The following SLC5A4 variants were observed in gnomAD, a reference collection of about 807,000 sequenced individuals.
SLC5A4 encodes solute carrier family 5 member 4.
In SLC5A4, 55 loss-of-function variants were observed where a neutral mutation model predicts 70.3. The ratio of observed to expected loss-of-function variants is 0.78; its 90% CI spans 0.63 to 0.98. SLC5A4 has a LOEUF of 0.98. Ranked by LOEUF, SLC5A4 falls within the 50% of genes least tolerant of loss-of-function variation. SLC5A4 has a pLI of 0.00. For missense variants in SLC5A4, 735 were observed against 839.2 expected, an observed-to-expected ratio of 0.88 and a Z score of 1.53; for synonymous variants, 268 against 305.7, an observed-to-expected ratio of 0.88 and a Z score of 1.29.
the SLC5A4 span, chr22:32,272,207 A>T: frequency 1.3e-6 from 1 of 757,564 alleles, no homozygotes; most frequent in Non-Finnish European, 2.4e-6. Context: ...TCATGTCCTG[A>T]GGGCGGATCT....
At chr22:32,312,704 C>T in the SLC5A4 span, among the ~76,000 whole-genome samples, 98,308 of 151,758 alleles carry the variant, frequency 0.65, 31,934 homozygotes, top group South Asian at 0.74. Flanking sequence ...AGGCAGCATT[C>T]CCTTCTCTAC....
At chr22:32,271,662 C>T in the SLC5A4 span, 1,693 of 594,340 alleles carry the variant, frequency 2.8e-3, 8 homozygotes, top group Non-Finnish European at 4.7e-3. Flanking sequence ...TGGCTCCTGG[C>T]GACAGACTGA....
chr22:32,353,553 G>A, the SLC5A4 span, among the ~76,000 whole-genome samples: 1 of 151,976 alleles, frequency 6.6e-6, no homozygotes, highest in East Asian at 1.9e-4. Flanking sequence ...CTGACCACCC[G>A]TCACTGACAC....
At chr22:32,226,341 C>G (rs542716682) in intron 11 of SLC5A4, among the ~76,000 whole-genome samples, 1 of 152,270 alleles carries the variant, frequency 6.6e-6, no homozygotes, top group Admixed American at 6.5e-5. Flanking sequence ...AGGTAAAAAG[C>G]GTGTTAAAGG....
chr22:32,288,715 T>G, the SLC5A4 span, among the ~76,000 whole-genome samples: 3 of 151,988 alleles, frequency 2.0e-5, no homozygotes, highest in Non-Finnish European at 4.4e-5. Context: ...CCTGGATAAT[T>G]TTTTATTTTT....
the SLC5A4 span, among the ~76,000 whole-genome samples, chr22:32,288,861 A>G: frequency 1.2e-3 from 177 of 152,276 alleles, 1 homozygote; most frequent in African/African-American, 4.2e-3. Context: ...AATTTATGTT[A>G]GATTATTTTA....
chr22:32,288,555 TTTTTTG>T, the SLC5A4 span, among the ~76,000 whole-genome samples: 16 of 152,268 alleles, frequency 1.1e-4, no homozygotes, highest in Non-Finnish European at 2.9e-5. Context: ...TTTTTTTCTT[TTTTTTG>T]TTTTTGTTTT....
the SLC5A4 span, among the ~76,000 whole-genome samples, chr22:32,353,765 C>T: frequency 6.6e-6 from 1 of 151,654 alleles, no homozygotes; most frequent in Admixed American, 6.6e-5. Context: ...GGCAGTGCAG[C>T]CCGGGATAGC....
chr22:32,328,721 A>G, the SLC5A4 span, among the ~76,000 whole-genome samples: 1 of 152,218 alleles, frequency 6.6e-6, no homozygotes, highest in Non-Finnish European at 1.5e-5. Flanking sequence ...TGACTCACAG[A>G]AAGAGTTAAA....
chr22:32,332,730 G>C, the SLC5A4 span, among the ~76,000 whole-genome samples: 3 of 152,162 alleles, frequency 2.0e-5, no homozygotes, highest in African/African-American at 7.2e-5. Flanking sequence ...CACTTCTCGG[G>C]GAACTTAGGG....
chr22:32,337,737 G>A, the SLC5A4 span, among the ~76,000 whole-genome samples: 4 of 152,104 alleles, frequency 2.6e-5, no homozygotes, highest in East Asian at 3.9e-4. Context: ...TCAATTTCCC[G>A]AGCGTAAATA....
chr22:32,345,077 A>G, the SLC5A4 span, among the ~76,000 whole-genome samples: 1 of 152,194 alleles, frequency 6.6e-6, no homozygotes, highest in African/African-American at 2.4e-5. Context: ...ACTGATAACC[A>G]CATTTTCAAG....
At chr22:32,267,181 C>A in the SLC5A4 span, among the ~76,000 whole-genome samples, 1 of 152,178 alleles carries the variant, frequency 6.6e-6, no homozygotes, top group Non-Finnish European at 1.5e-5. Context: ...ACTGTGAAAA[C>A]CCTTTAGTGA....
At chr22:32,288,232 A>T in the SLC5A4 span, among the ~76,000 whole-genome samples, 1 of 152,166 alleles carries the variant, frequency 6.6e-6, no homozygotes, top group Admixed American at 6.5e-5. Flanking sequence ...AGTATGTTCT[A>T]CATATGGGAA....
the SLC5A4 span, among the ~76,000 whole-genome samples, chr22:32,264,497 T>G: frequency 6.6e-6 from 1 of 152,072 alleles, no homozygotes. Flanking sequence ...CCTGAGCCCA[T>G]GTAGTTAACG....
the SLC5A4 span, among the ~76,000 whole-genome samples, chr22:32,344,404 T>G: frequency 2.6e-5 from 4 of 152,186 alleles, no homozygotes; most frequent in African/African-American, 9.6e-5. Flanking sequence ...TAAACCTTAA[T>G]TAAAATCCCT....
chr22:32,279,080 T>G, the SLC5A4 span, among the ~76,000 whole-genome samples: 7 of 151,780 alleles, frequency 4.6e-5, no homozygotes, highest in African/African-American at 1.5e-4. Context: ...ATGGAGACCA[T>G]CCTGGCTAAC....
the SLC5A4 span, among the ~76,000 whole-genome samples, chr22:32,325,506 C>T: frequency 1.3e-3 from 197 of 152,312 alleles, no homozygotes; most frequent in African/African-American, 4.3e-3. Context: ...ATGGCTGTCG[C>T]GGCACAAGAT....
At chr22:32,273,344 C>T in the SLC5A4 span, 4,853 of 179,510 alleles carry the variant, frequency 0.027, 85 homozygotes, top group Non-Finnish European at 0.04. Context: ...ATATTGTTTA[C>T]GGAAGGGGGA....
Sources: allele counts gnomAD v4.1 joint callset (sites outside exome capture counted in the v4.1 genomes callset), GRCh38; gene constraint gnomAD v4.1.1; transcripts MANE v1.5; gene names NCBI Gene and HGNC (gene_info 2026-07-23, HGNC 2026-07-21).